Variants in RPL10 observed in about 807,000 individuals in gnomAD.
RPL10 encodes the protein large ribosomal subunit protein uL16.
A neutral mutation model predicts 15.7 loss-of-function variants in RPL10; 1 was observed. The observed-to-expected ratio is 0.06, with a 90% CI of 0.02 to 0.30. RPL10 has a LOEUF of 0.30. Ranked by LOEUF, RPL10 falls within the 10% of genes least tolerant of loss-of-function variation. The pLI is 1.00. For synonymous variants in RPL10, 59 were observed against 64.0 expected (o/e 0.92, Z 0.37); for missense variants, 54 against 183.4 (o/e 0.29, Z 4.08).
Position 154,400,886 on chromosome X carries a change from C to T in RPL10, c.*32C>T. 8.3e-7 allele frequency: 1 copy of T among 1,210,658 alleles called. No individual in the cohort carries two copies. The highest frequency in any genetic ancestry group is 3.0e-5 in the East Asian group (1 of 33,844). On this transcript the variant is annotated 3_prime_UTR_variant, in exon 7 of 7. Coordinates refer to ENST00000369817, the MANE Select transcript of RPL10 (RefSeq NM_006013.5). The stretch of plus-strand genomic sequence containing the variant: ...CCAATGTGCTGCCCCCCTCTTAATA[C>T]TCACCAATAAATTCTACTTCCTGTC...
Position 154,399,862 on chromosome X carries a change from G to A in RPL10, c.250G>A (p.Gly84Ser). The change falls in exon 5 of 7, where the codon GGC becomes AGC. Residue 84 changes from glycine to serine, a missense_variant. Transcript: ENST00000369817. The part of the protein sequence containing the change: ...KYMVKSCGKD[G>S]FHIRVRLHPF... ...CATGGTAAAAAGTTGTGGCAAAGAT[G>A]GCTTCCATATCCGGGTGCGGCTCCA... is the stretch of plus-strand genomic sequence containing the variant. 1 of 1,211,986 alleles carries A rather than the reference G, an allele frequency of 8.3e-7. No homozygotes were observed. Among genetic ancestry groups the A allele is most frequent in the South Asian group, 1.8e-5 (1 of 57,022 alleles).
At position 154,401,461 on chromosome X, in the gene RPL10, C is replaced by T; in HGVS notation, c.*607C>T. 7.5e-6 allele frequency: 1 copy of T among 133,748 alleles called. No individual in the cohort carries two copies. Among genetic ancestry groups the T allele is most frequent in the Non-Finnish European group, 1.5e-5 (1 of 65,161 alleles). 11.0% of individuals were successfully genotyped at this position (133,748 alleles called of 1,213,427 possible). ...CATTCCCAGGGCCTTCACCACCTGA[C>T]CAAAGGTCTAGGCTAACCTTTGGTC... On this transcript the variant is annotated 3_prime_UTR_variant, in exon 7 of 7. Transcript: ENST00000369817.
In RPL10 at chrX:154,399,798, C is replaced by T. The variant is rs1286783643; in HGVS notation, c.191-5C>T. On this transcript the variant is annotated splice_region_variant and splice_polypyrimidine_tract_variant and intron_variant, in intron 4 of 6. Transcript: ENST00000369817. ...CACTTTGCTGCTTTTCTTCTCCCTA[C>T]CTAGCCCTGGAGGCTGCCCGAATTT... 2 of 1,211,328 alleles carry T rather than the reference C, an allele frequency of 1.7e-6. No individual in the cohort carries two copies. Among genetic ancestry groups the T allele is most frequent in the African/African-American group, 1.7e-5 (1 of 57,811 alleles).
In RPL10 at chrX:154,399,334, G is replaced by A; in HGVS notation, c.24-4G>A. The A allele has an allele frequency of 8.3e-7, 1 of 1,210,905 alleles. No homozygotes were observed. The highest frequency in any genetic ancestry group is 1.8e-5 in the South Asian group (1 of 56,941). On this transcript the variant is annotated splice_polypyrimidine_tract_variant and splice_region_variant and intron_variant, in intron 2 of 6. Coordinates refer to ENST00000369817, the MANE Select transcript of RPL10 (RefSeq NM_006013.5). ...CTAACCTGTGTTTTTTCACTCCCCT[G>A]CAGTTACCGGTATTGTAAGAACAAG...
At chrX:154,399,208 A>G (rs1271011935) in intron 2 of RPL10, 130 bp from the exon 3 acceptor site, 5 of 647,954 alleles carry the variant, frequency 7.7e-6, no homozygotes, top group Non-Finnish European at 1.3e-5. Flanking sequence ...CCGAATGGAA[A>G]CGGTTTAGAA....
At chrX:154,398,085 T>C (rs782399938), upstream of RPL10, 7 of 289,525 alleles carry the variant, frequency 2.4e-5, no homozygotes, top group African/African-American at 1.9e-4. Flanking sequence ...CTGTCACAGT[T>C]AACGGCAAAG....
Position 154,400,758 on chromosome X carries a change from C to G in RPL10, c.549C>G (p.Asp183Glu). 4.1e-6 allele frequency: 5 copies of G among 1,211,741 alleles called. No homozygotes were observed. The highest frequency in any genetic ancestry group is 2.3e-4 in the Middle Eastern group (1 of 4,353). The part of the protein sequence containing the change: ...FTKFNADEFE[D>E]MVAEKRLIPD... ...AGTTCAATGCTGATGAATTTGAAGA[C>G]ATGGTGGCTGAAAAGCGGCTCATCC... Residue 183 changes from aspartate (D) to glutamate (E), a missense_variant, in exon 7 of 7, where the codon GAC becomes GAG. Transcript: ENST00000369817.
intron 2 of RPL10, 90 bp downstream of exon 2, chrX:154,398,632 C>T (rs2067959190): frequency 9.1e-7 from 1 of 1,102,912 alleles, no homozygotes; most frequent in Non-Finnish European, 1.2e-6. Flanking sequence ...GGGGTGGAGC[C>T]TCCCCCGTGC....
chrX:154,399,743 C>A, intron 4 of RPL10, 60 bp from the exon 5 acceptor site: 2 of 1,196,117 alleles, frequency 1.7e-6, no homozygotes, highest in South Asian at 3.5e-5. Context: ...TGGAGATAGT[C>A]GTGGTGAATG....
chrX:154,399,719 C>T, intron 4 of RPL10, 84 bp from the exon 5 acceptor site: 1 of 1,179,436 alleles, frequency 8.5e-7, no homozygotes, highest in Non-Finnish European at 1.2e-6. Context: ...TCAGCCAACA[C>T]AGTTCCCCTG....
Position 154,400,891 on chromosome X carries a change from C to T in RPL10, c.*37C>T. 8.3e-7 allele frequency: 1 copy of T among 1,210,390 alleles called. No homozygotes were observed. Among genetic ancestry groups the T allele is most frequent in the African/African-American group, 1.7e-5 (1 of 57,839 alleles). The stretch of plus-strand genomic sequence containing the variant: ...GTGCTGCCCCCCTCTTAATACTCAC[C>T]AATAAATTCTACTTCCTGTCCACCT... On this transcript the variant is annotated 3_prime_UTR_variant, in exon 7 of 7. Coordinates refer to ENST00000369817, the MANE Select transcript of RPL10 (RefSeq NM_006013.5).
At chrX:154,399,074 A>G in intron 2 of RPL10, 1 of 445,656 alleles carries the variant, frequency 2.2e-6, no homozygotes, top group East Asian at 3.9e-5. Context: ...TTTAACTAGG[A>G]AAGTTTGTTG....
At chrX:154,399,456 C>G in intron 3 of RPL10, 31 bp from the exon 4 acceptor site, 2 of 1,208,953 alleles carry the variant, frequency 1.7e-6, no homozygotes, top group Non-Finnish European at 2.2e-6. Context: ...CCGTCTGTGA[C>G]ACCCCCTGCA....
intron 4 of RPL10, 98 bp downstream of exon 4, chrX:154,399,692 CATG>C: frequency 1.7e-6 from 2 of 1,165,768 alleles, no homozygotes; most frequent in South Asian, 1.8e-5. Context: ...GTTGATGAAA[CATG>C]AGCCTTACAA....
Position 154,401,411 on chromosome X carries a change from A to G in RPL10, c.*557A>G, listed in dbSNP as rs1603370058. On this transcript the variant is annotated 3_prime_UTR_variant, in exon 7 of 7. Coordinates refer to ENST00000369817, the MANE Select transcript of RPL10 (RefSeq NM_006013.5). Reference sequence around the variant, plus strand: ...TATCTCTAGCAACCTCCTGGGCCCCATGCCCCCACCCCTTCTAGAACCTGC... The same window carrying G: ...TATCTCTAGCAACCTCCTGGGCCCCGTGCCCCCACCCCTTCTAGAACCTGC... 1.4e-5 allele frequency: 2 copies of G among 141,537 alleles called. No individual in the cohort carries two copies. Among genetic ancestry groups the G allele is most frequent in the East Asian group, 1.8e-4 (1 of 5,549 alleles). The allele number at this position is 141,537 out of a possible 1,213,427, so 11.7% of individuals were successfully genotyped here.
chrX:154,402,173 A>G lies in RPL10; in HGVS notation c.*1319A>G, dbSNP rs1189960244. ...CAGCGGTTATAACAGGCCTGACTGC[A>G]TTGTTCACCGGATTATAATGAGCCA... is the stretch of plus-strand genomic sequence containing the variant. On this transcript the variant is annotated 3_prime_UTR_variant, in exon 7 of 7. Coordinates refer to ENST00000369817, the MANE Select transcript of RPL10 (RefSeq NM_006013.5). The G allele has an allele frequency of 8.3e-6, 1 of 120,581 alleles. No homozygotes were observed. The highest frequency in any genetic ancestry group is 1.7e-5 in the Non-Finnish European group (1 of 58,182). The allele number at this position is 120,581 out of a possible 1,213,427, so 9.9% of individuals were successfully genotyped here.
rs782313776 is a variant in RPL10 at position 154,399,566 on chromosome X, A to G, written c.162A>G (p.Ser54=). Residue 54 remains serine (S), a synonymous_variant, in exon 4 of 7, where the codon TCA becomes TCG. Transcript: ENST00000369817. ...TTCCGCTTTGTGGCCACATGGTGTC[A>G]GATGAATATGAGCAGCTGTCCTCTG... ...DEFPLCGHMV[S]DEYEQLSSEA... The G allele has an allele frequency of 2.5e-6, 3 of 1,209,955 alleles. No homozygotes were observed. The highest frequency in any genetic ancestry group is 5.9e-5 in the East Asian group (2 of 33,803).
intron 2 of RPL10, chrX:154,398,834 C>T: frequency 2.4e-6 from 1 of 411,138 alleles, no homozygotes; most frequent in East Asian, 4.3e-5. Flanking sequence ...TGTGTGCGTT[C>T]TCTGTCTTAT....
rs2148135047 is a variant in RPL10 at position 154,398,489 on chromosome X, C to T, written c.-23-8C>T. 1 of 1,210,774 alleles carries T rather than the reference C, an allele frequency of 8.3e-7. No homozygotes were observed. Among genetic ancestry groups the T allele is most frequent in the African/African-American group, 1.7e-5 (1 of 57,846 alleles). On this transcript the variant is annotated splice_polypyrimidine_tract_variant and splice_region_variant and intron_variant, in intron 1 of 6. Coordinates refer to ENST00000369817, the MANE Select transcript of RPL10 (RefSeq NM_006013.5). The stretch of plus-strand genomic sequence containing the variant: ...TCTTCCGTTCCGACTCTCTCTTTTT[C>T]GTTGCAGCCACTGAAGATCCTGGTG...
Sources: gnomAD v4.1 joint callset for allele counts on GRCh38, gnomAD v4.1.1 for gene constraint, MANE v1.5 for transcripts, NCBI Gene and HGNC (gene_info 2026-07-23, HGNC 2026-07-21) for gene names.